Variants in NDRG3 observed in about 807,000 individuals in gnomAD.
NDRG3 encodes the protein protein NDRG3.
Under a neutral mutation model 57.2 loss-of-function variants are expected in NDRG3, and 23 were observed. The ratio of observed to expected loss-of-function variants is 0.40; its 90% CI spans 0.29 to 0.57. The LOEUF (loss-of-function observed/expected upper bound fraction) is 0.57. Among genes scored for constraint, NDRG3 ranks in the 20% least tolerant of loss-of-function variants. NDRG3 has a pLI of 0.42. For missense variants in NDRG3, 384 were observed against 457.3 expected (o/e 0.84, Z 1.46); for synonymous variants, 132 against 162.6 (o/e 0.81, Z 1.43).
At chr20:36,707,919 AC>A (rs1983639596) in intron 2 of NDRG3, among the ~76,000 whole-genome samples, 1 of 151,990 alleles carries the variant, frequency 6.6e-6, no homozygotes. Flanking sequence ...CCCCGTCTCT[AC>A]TAAAAATACA....
At chr20:36,656,888 C>G (rs1354831569) in intron 13 of NDRG3, among the ~76,000 whole-genome samples, 1 of 152,180 alleles carries the variant, frequency 6.6e-6, no homozygotes, top group Non-Finnish European at 1.5e-5. Context: ...GTGCATCAAG[C>G]TTTCCAAGTC....
chr20:36,709,329 G>A (rs1983736962), intron 2 of NDRG3, among the ~76,000 whole-genome samples: 1 of 152,160 alleles, frequency 6.6e-6, no homozygotes, highest in Non-Finnish European at 1.5e-5. Context: ...GAAGCCAAAA[G>A]CTTCTGAAGG....
intron 1 of NDRG3, among the ~76,000 whole-genome samples, chr20:36,740,589 G>A (rs533436121): frequency 1.3e-5 from 2 of 152,238 alleles, no homozygotes; most frequent in East Asian, 1.9e-4. Context: ...TGATCCGCCC[G>A]CCTCGGACTC....
Position 36,656,376 on chromosome 20 carries a change from C to T in NDRG3, c.930G>A (p.Leu310=), listed in dbSNP as rs766610425. 2.5e-6 allele frequency: 4 copies of T among 1,614,072 alleles called. No homozygotes were observed. The highest frequency in any genetic ancestry group is 3.4e-6 in the Non-Finnish European group (4 of 1,180,012). ...ACTACTCACTGTAGCCCATTCCCTG[C>T]AAAAAGTACTTGAAGGCCTCGGTGA... ...GKLTEAFKYF[L]QGMGYIPSAS... Residue 310 remains leucine, a synonymous_variant, in exon 15 of 16, where the codon TTG becomes TTA. Coordinates refer to ENST00000349004, the MANE Select transcript of NDRG3 (RefSeq NM_032013.4).
intron 3 of NDRG3, among the ~76,000 whole-genome samples, chr20:36,691,629 C>A (rs1982272282): frequency 6.6e-6 from 1 of 152,148 alleles, no homozygotes. Flanking sequence ...AGAAGAATTG[C>A]TTGAACCCGG....
chr20:36,679,779 C>T (rs1981089658), intron 8 of NDRG3, among the ~76,000 whole-genome samples: 2 of 152,038 alleles, frequency 1.3e-5, no homozygotes, highest in Non-Finnish European at 2.9e-5. Flanking sequence ...GCTGGAATTA[C>T]AGGCGTGAGC....
chr20:36,670,949 T>G (rs1287824568), intron 9 of NDRG3, among the ~76,000 whole-genome samples: 1 of 152,224 alleles, frequency 6.6e-6, no homozygotes, highest in Non-Finnish European at 1.5e-5. Flanking sequence ...AACATGGGGC[T>G]TGAACAAGAT....
chr20:36,715,502 C>G (rs1984219760), intron 2 of NDRG3, among the ~76,000 whole-genome samples: 1 of 151,636 alleles, frequency 6.6e-6, no homozygotes, highest in Non-Finnish European at 1.5e-5. Context: ...TCTCTCTCTC[C>G]CCCTAGGTTT....
chr20:36,692,295 C>A (rs1228989117), intron 3 of NDRG3, among the ~76,000 whole-genome samples: 1 of 152,182 alleles, frequency 6.6e-6, no homozygotes, highest in Non-Finnish European at 1.5e-5. Context: ...ACGATCTCAG[C>A]TCACTGCAAC....
intron 12 of NDRG3, among the ~76,000 whole-genome samples, chr20:36,663,155 G>A (rs1337553258): frequency 6.6e-6 from 1 of 152,130 alleles, no homozygotes; most frequent in Admixed American, 6.5e-5. Context: ...TACCTCTGGG[G>A]AATGTTTTTT....
intron 3 of NDRG3, 27 bp from the exon 4 acceptor site, chr20:36,688,811 G>A (rs559046633): frequency 7.9e-5 from 124 of 1,565,020 alleles, no homozygotes; most frequent in Non-Finnish European, 9.5e-5. Flanking sequence ...TAAGTTCTCA[G>A]AAAAAGCAGA....
intron 3 of NDRG3, among the ~76,000 whole-genome samples, chr20:36,705,238 T>A (rs1420526826): frequency 6.6e-6 from 1 of 151,244 alleles, no homozygotes; most frequent in Non-Finnish European, 1.5e-5. Flanking sequence ...GGAGAATCGC[T>A]TGAATCCAGG....
intron 1 of NDRG3, among the ~76,000 whole-genome samples, chr20:36,727,381 G>A (rs554497105): frequency 3.3e-5 from 5 of 151,802 alleles, no homozygotes; most frequent in South Asian, 4.2e-4. Flanking sequence ...CACCAGGACC[G>A]GCTAATTTTT....
At position 36,739,133 on chromosome 20, in the gene NDRG3, T is replaced by TTAA. The variant is rs1568676736; in HGVS notation, c.-49+6911_-49+6912insTTA. Among the ~76,000 whole-genome samples, 242 of 31,514 alleles carry TTAA rather than the reference T, an allele frequency of 7.7e-3. 97 individuals are homozygous for TTAA. The highest frequency in any genetic ancestry group is 8.3e-3 in the Non-Finnish European group (147 of 17,754). 20.7% of individuals were successfully genotyped at this position (31,514 alleles called of 152,430 possible). A position where few individuals can be genotyped will look rare whatever the true frequency, so the allele number is the denominator to read the frequency against. On this transcript the variant is annotated intron_variant, in intron 1 of 15. Coordinates refer to ENST00000349004, the MANE Select transcript of NDRG3 (RefSeq NM_032013.4). ...CTGGGTGACAAAACGAGACCCCATC[T>TTAA]CAAAAAAAAAAAAAAAAAAAAAAAA... is the stretch of plus-strand genomic sequence containing the variant.
chr20:36,695,015 G>A (rs894673388), intron 3 of NDRG3, among the ~76,000 whole-genome samples: 4 of 152,190 alleles, frequency 2.6e-5, no homozygotes, highest in Admixed American at 6.6e-5. Context: ...TGCTGAAGCC[G>A]TGATAGAAGA....
chr20:36,688,545 A>G (rs1174856917), intron 4 of NDRG3, 134 bp downstream of exon 4: 3 of 664,104 alleles, frequency 4.5e-6, no homozygotes, highest in Non-Finnish European at 8.0e-6. Context: ...CCATTAACGA[A>G]TGTAGGAACA....
intron 7 of NDRG3, among the ~76,000 whole-genome samples, chr20:36,682,269 G>C (rs534628235): frequency 6.6e-6 from 1 of 152,026 alleles, no homozygotes; most frequent in Non-Finnish European, 1.5e-5. Context: ...TTTAATGGCC[G>C]CACAAAATTC....
rs1257954532 is a variant in NDRG3, at chr20:36,704,506, CCTCT to C, written c.93+2462_93+2465del. Among the ~76,000 whole-genome samples, 4 of 152,036 alleles carry C rather than the reference CCTCT, an allele frequency of 2.6e-5. No homozygotes were observed. In the East Asian group the frequency reaches 5.8e-4, roughly 22 times the overall value. ...TCCTCACCTTGAATTTTACTGTCAC[CCTCT>C]CTCTAATGTTTTCCTTCTTGGTAAA... On this transcript the variant is annotated intron_variant, in intron 3 of 15. Transcript: ENST00000349004.
At chr20:36,709,217 C>G (rs1430019577) in intron 2 of NDRG3, among the ~76,000 whole-genome samples, 2 of 152,140 alleles carry the variant, frequency 1.3e-5, no homozygotes, top group Admixed American at 6.6e-5. Flanking sequence ...ATCTCAGTTT[C>G]TCAGTTACAT....
Sources: gnomAD v4.1 joint callset for allele counts (sites outside exome capture counted in the v4.1 genomes callset) on GRCh38, gnomAD v4.1.1 for gene constraint, MANE v1.5 for transcripts, NCBI Gene and HGNC (gene_info 2026-07-23, HGNC 2026-07-21) for gene names.